STK40: variants seen among roughly 807,000 people sequenced by gnomAD.
STK40 encodes the protein serine/threonine kinase 40.
STK40 carries 13 observed loss-of-function variants against 47.9 expected under a neutral mutation model. That is an observed-to-expected ratio of 0.27 (90% CI 0.18 to 0.43). The LOEUF is 0.43. Ranked by LOEUF, STK40 falls within the 20% of genes least tolerant of loss-of-function variation. The pLI is 1.00. For missense variants in STK40, 460 were observed against 595.1 expected (o/e 0.77, Z 2.36); for synonymous variants, 225 against 243.2 (o/e 0.93, Z 0.69).
chr1:36,347,691 T>C (rs1570436821), intron 7 of STK40, among the ~76,000 whole-genome samples: 1 of 151,728 alleles, frequency 6.6e-6, no homozygotes, highest in Non-Finnish European at 1.5e-5. Context: ...CTCGCTCTGT[T>C]GCCCAGGCTG....
intron 1 of STK40, among the ~76,000 whole-genome samples, chr1:36,377,008 T>A (rs1016259029): frequency 6.6e-6 from 1 of 151,580 alleles, no homozygotes; most frequent in Admixed American, 6.6e-5. Flanking sequence ...CCTAACCTCA[T>A]GATCCACTCG....
intron 5 of STK40, 78 bp downstream of exon 5, chr1:36,355,128 G>T (rs1464946986): frequency 6.9e-6 from 10 of 1,451,180 alleles, no homozygotes; most frequent in Admixed American, 1.7e-5. Flanking sequence ...GCACAGGACA[G>T]AGCTGCCTTC....
chr1:36,382,372 T>A (rs1647047103), intron 1 of STK40, among the ~76,000 whole-genome samples: 2 of 152,002 alleles, frequency 1.3e-5, no homozygotes, highest in African/African-American at 4.8e-5. Flanking sequence ...TAGAGACGGG[T>A]TTCGCCATGT....
rs1415677363 is a variant in STK40 at position 36,366,642 on chromosome 1, G to A, written c.-8-5302C>T. Among the ~76,000 whole-genome samples, 51 of 151,978 alleles carry A rather than the reference G, an allele frequency of 3.4e-4. 2 individuals carry two copies. The highest frequency in any genetic ancestry group is 2.9e-3 in the Admixed American group (44 of 15,262). Reference sequence around the variant, plus strand: ...TAGAGGGCCTGCTCAGAGGGATCCCGGCTTCACAGTGAGATCTGTGATGAT... The same window carrying A: ...TAGAGGGCCTGCTCAGAGGGATCCCAGCTTCACAGTGAGATCTGTGATGAT... On this transcript the variant is annotated intron_variant, in intron 1 of 10. Transcript: ENST00000373132.
chr1:36,358,958 G>T, intron 2 of STK40, 136 bp from the exon 3 acceptor site: 1 of 871,416 alleles, frequency 1.1e-6, no homozygotes, highest in South Asian at 1.7e-5. Flanking sequence ...ACCCTCCAAG[G>T]TCTCCTGGTG....
At position 36,381,516 on chromosome 1, in the gene STK40, T is replaced by C. The variant is rs76726353; in HGVS notation, c.-9+4207A>G. Among the ~76,000 whole-genome samples, 53 of 152,328 alleles carry C rather than the reference T, an allele frequency of 3.5e-4. No homozygotes were observed. The East Asian group carries it at 9.3e-3, about 27-fold the overall frequency. On this transcript the variant is annotated intron_variant, in intron 1 of 10. Coordinates refer to ENST00000373132, the MANE Select transcript of STK40 (RefSeq NM_001282547.2). ...CTTTTTTTGAGACAGGGTCTCACTC[T>C]GTTGTCCAGGCTCGAGTGCAGTGGT...
intron 1 of STK40, among the ~76,000 whole-genome samples, chr1:36,366,836 CTT>C (rs1170166317): frequency 2.4e-4 from 34 of 139,004 alleles, no homozygotes; most frequent in Non-Finnish European, 1.9e-4. Context: ...TCTTCTTCTT[CTT>C]TTTTTTTTTT....
rs115987410 is a variant in STK40, at chr1:36,367,619, C to T, written c.-8-6279G>A. Among the ~76,000 whole-genome samples, 139 of 152,274 alleles carry T rather than the reference C, an allele frequency of 9.1e-4. 3 individuals are homozygous for T. In the East Asian group the frequency reaches 0.018, roughly 19 times the overall value. ...AGGAAAGCTGGCAGGGATAGCTCTA[C>T]CCCATGGTTCCACCTGGTAGACACA... On this transcript the variant is annotated intron_variant, in intron 1 of 10. Coordinates refer to ENST00000373132, the MANE Select transcript of STK40 (RefSeq NM_001282547.2).
At chr1:36,368,960 G>T (rs1646923229) in intron 1 of STK40, among the ~76,000 whole-genome samples, 1 of 152,152 alleles carries the variant, frequency 6.6e-6, no homozygotes, top group Non-Finnish European at 1.5e-5. Context: ...GTCCCCCGAG[G>T]CAGAGGAGAA....
intron 7 of STK40, among the ~76,000 whole-genome samples, chr1:36,346,838 C>T (rs987144210): frequency 6.6e-6 from 1 of 152,196 alleles, no homozygotes; most frequent in East Asian, 1.9e-4. Flanking sequence ...CCAGGGCTAG[C>T]CCACAGCCTG....
chr1:36,350,835 C>T (rs1406901749), intron 6 of STK40, among the ~76,000 whole-genome samples: 1 of 152,208 alleles, frequency 6.6e-6, no homozygotes, highest in Non-Finnish European at 1.5e-5. Context: ...CACGGGCAGG[C>T]ACAGCTGAGG....
intron 1 of STK40, among the ~76,000 whole-genome samples, chr1:36,365,373 G>A (rs1646892889): frequency 6.6e-6 from 1 of 152,186 alleles, no homozygotes; most frequent in South Asian, 2.1e-4. Flanking sequence ...TGCACTGCAG[G>A]TCTAATCTAC....
intron 1 of STK40, among the ~76,000 whole-genome samples, chr1:36,363,420 C>T (rs1028887038): frequency 6.6e-6 from 1 of 152,152 alleles, no homozygotes; most frequent in African/African-American, 2.4e-5. Context: ...TCTTTTGCAA[C>T]ATCACTTGAG....
At chr1:36,364,052 G>A (rs1354533464) in intron 1 of STK40, among the ~76,000 whole-genome samples, 1 of 151,852 alleles carries the variant, frequency 6.6e-6, no homozygotes, top group African/African-American at 2.4e-5. Context: ...TCGGGAGGCT[G>A]AGGCAGGAGA....
intron 1 of STK40, among the ~76,000 whole-genome samples, chr1:36,363,662 A>T (rs1192287272): frequency 1.3e-5 from 2 of 150,598 alleles, no homozygotes; most frequent in Non-Finnish European, 3.0e-5. Flanking sequence ...AAAAAAAAAA[A>T]AAATTAGCTG....
In STK40 at chr1:36,385,792, C is replaced by T. The variant is rs1225772625; in HGVS notation, c.-78G>A. On this transcript the variant is annotated 5_prime_UTR_variant, in exon 1 of 11. Transcript: ENST00000373132. Reference sequence around the variant, plus strand: ...GAGCCGGGGCTGCTCGGCTCTCCCTCCCGGGGGGCCGGGGCCGGGCTGGAG... The same window carrying T: ...GAGCCGGGGCTGCTCGGCTCTCCCTTCCGGGGGGCCGGGGCCGGGCTGGAG... 1 of 159,232 alleles carries T rather than the reference C, an allele frequency of 6.3e-6. No individual in the cohort carries two copies. Among genetic ancestry groups the T allele is most frequent in the African/African-American group, 2.4e-5 (1 of 41,486 alleles). The allele number at this position is 159,232 out of a possible 1,614,324, so 9.9% of individuals were successfully genotyped here.
intron 7 of STK40, among the ~76,000 whole-genome samples, chr1:36,344,800 G>T (rs1646686256): frequency 6.6e-6 from 1 of 152,238 alleles, no homozygotes; most frequent in Admixed American, 6.5e-5. Flanking sequence ...ACGGACCCAA[G>T]TATTTGCTAA....
intron 7 of STK40, among the ~76,000 whole-genome samples, chr1:36,345,991 A>ATATATATATATTTTTT: frequency 3.0e-4 from 8 of 26,466 alleles, no homozygotes; most frequent in East Asian, 7.3e-4. Flanking sequence ...ATATATATAT[A>ATATATATATATTTTTT]TTTTTTTTTT....
chr1:36,360,484 C>T (rs753424026), intron 2 of STK40, among the ~76,000 whole-genome samples: 3 of 151,920 alleles, frequency 2.0e-5, no homozygotes, highest in Non-Finnish European at 4.4e-5. Context: ...TAAAGCAGTG[C>T]CTTGGATGAT....
Sources: allele counts gnomAD v4.1 joint callset (sites outside exome capture counted in the v4.1 genomes callset), GRCh38; gene constraint gnomAD v4.1.1; transcripts MANE v1.5; gene names NCBI Gene and HGNC (gene_info 2026-07-23, HGNC 2026-07-21).